Variants in TEK observed in about 807,000 individuals in gnomAD.
The protein encoded by TEK is TEK receptor tyrosine kinase.
Under a neutral mutation model 131.8 loss-of-function variants are expected in TEK, and 43 were observed. That is an observed-to-expected ratio of 0.33 (90% confidence interval 0.26 to 0.42). The LOEUF (loss-of-function observed/expected upper bound fraction) is 0.42, where lower values mean the gene tolerates loss of function less well. Ranked by LOEUF, TEK falls within the 10% of genes least tolerant of loss-of-function variation. The pLI is 1.00. For synonymous variants in TEK, 580 were observed against 491.6 expected (o/e 1.18, Z -2.38); for missense variants, 1,162 against 1,384.4 (o/e 0.84, Z 2.55).
chr9:27,153,221 G>A (rs512964), intron 1 of TEK, among the ~76,000 whole-genome samples: 40,752 of 151,970 alleles, frequency 0.27, 5,774 homozygotes, highest in South Asian at 0.52. Context: ...GGCCGAGGCG[G>A]GTGGATCACG....
chr9:27,180,187 G>C lies in TEK; in HGVS notation c.902-53G>C, dbSNP rs1171092957. On this transcript the variant is annotated intron_variant, in intron 6 of 22. Transcript: ENST00000380036. ...ATAAAACTAAACACCTGCAGTCTTA[G>C]TTTCCTCTCTTCCCCTGGATTAATA... 61 of 1,611,676 alleles carry C rather than the reference G, an allele frequency of 3.8e-5. No individual in the cohort carries two copies. In the South Asian group the frequency reaches 6.3e-4, roughly 17 times the overall value.
At chr9:27,164,598 C>T (rs1393778915) in intron 2 of TEK, among the ~76,000 whole-genome samples, 8 of 152,172 alleles carry the variant, frequency 5.3e-5, no homozygotes, top group South Asian at 2.1e-4. Flanking sequence ...GGATTACAGG[C>T]GTGAGCAACT....
At chr9:27,120,084 A>G (rs1485098367) in intron 1 of TEK, among the ~76,000 whole-genome samples, 2 of 152,132 alleles carry the variant, frequency 1.3e-5, no homozygotes, top group East Asian at 3.8e-4. Flanking sequence ...TATTTTATTA[A>G]TCATTGCTAC....
In TEK at chr9:27,224,812, A is replaced by C. The variant is rs533945184; in HGVS notation, c.3201-3394A>C. ...CATTCAAATAGGAAGAGAGGAAGTCAAACTGTCTCTGTCTGCAGATGACAT... is the reference window on the plus strand; with the variant it reads ...CATTCAAATAGGAAGAGAGGAAGTCCAACTGTCTCTGTCTGCAGATGACAT... On this transcript the variant is annotated intron_variant, in intron 21 of 22. Transcript: ENST00000380036. Among the ~76,000 whole-genome samples, 13 of 152,336 alleles carry C rather than the reference A, an allele frequency of 8.5e-5. 1 individual carries two copies. In the South Asian group the frequency reaches 2.5e-3, roughly 29 times the overall value.
At chr9:27,190,419 C>T in intron 9 of TEK, 110 bp from the exon 10 acceptor site, 1 of 1,388,130 alleles carries the variant, frequency 7.2e-7, no homozygotes, top group South Asian at 1.3e-5. Flanking sequence ...GAGCAGAAAA[C>T]TTTAAGAGGA....
chr9:27,198,443 G>T (rs1825104011), intron 12 of TEK: 1 of 152,356 alleles, frequency 6.6e-6, no homozygotes, highest in Non-Finnish European at 1.5e-5. Flanking sequence ...AACAGGTGTG[G>T]AAGCTGGCTC....
At chr9:27,166,412 G>A (rs1001112000) in intron 2 of TEK, among the ~76,000 whole-genome samples, 5 of 152,100 alleles carry the variant, frequency 3.3e-5, no homozygotes, top group South Asian at 2.1e-4. Flanking sequence ...CCGTGTTCAC[G>A]GATTTGTCAG....
rs573240128 is a variant in TEK, at chr9:27,229,175, G to C, written c.3318G>C (p.Thr1106=). Residue 1106 remains threonine, a synonymous_variant, in exon 23 of 23, where the codon ACG becomes ACC. Transcript: ENST00000380036. ...LEERKTYVNT[T]LYEKFTYAGI... ...TCTTCCAGACCTACGTGAATACCAC[G>C]CTTTATGAGAAGTTTACTTATGCAG... 94 of 1,613,764 alleles carry C rather than the reference G, an allele frequency of 5.8e-5. No homozygotes were observed. In the African/African-American group the frequency reaches 1.2e-3, roughly 20 times the overall value.
At chr9:27,190,429 A>ACT in intron 9 of TEK, 100 bp from the exon 10 acceptor site, 1 of 1,441,314 alleles carries the variant, frequency 6.9e-7, no homozygotes, top group Non-Finnish European at 9.6e-7. Flanking sequence ...CTTTAAGAGG[A>ACT]CTTTGTTGGA....
intron 2 of TEK, among the ~76,000 whole-genome samples, chr9:27,166,187 A>G (rs1479727554): frequency 6.6e-6 from 1 of 152,202 alleles, no homozygotes; most frequent in Non-Finnish European, 1.5e-5. Flanking sequence ...TTTGCTATTA[A>G]TTTCTAATTT....
chr9:27,220,840 C>G (rs1225686251), intron 21 of TEK, among the ~76,000 whole-genome samples: 1 of 152,184 alleles, frequency 6.6e-6, no homozygotes, highest in African/African-American at 2.4e-5. Flanking sequence ...GTTGCAAGCA[C>G]CAAACTGGGT....
intron 15 of TEK, among the ~76,000 whole-genome samples, chr9:27,207,941 C>T (rs1825456429): frequency 6.6e-6 from 1 of 152,090 alleles, no homozygotes; most frequent in Non-Finnish European, 1.5e-5. Flanking sequence ...TGTTTTGCTA[C>T]TTTAGTCACA....
chr9:27,123,791 T>C (rs1453309205), intron 1 of TEK, among the ~76,000 whole-genome samples: 2 of 151,432 alleles, frequency 1.3e-5, no homozygotes, highest in African/African-American at 4.8e-5. Context: ...TTTTATTTAT[T>C]CTTTTGAGAT....
intron 7 of TEK, among the ~76,000 whole-genome samples, chr9:27,182,764 G>A (rs1018432827): frequency 1.3e-5 from 2 of 151,270 alleles, no homozygotes; most frequent in African/African-American, 4.9e-5. Flanking sequence ...CTGTGTAGAT[G>A]TTAGGCAAGA....
chr9:27,206,536 T>G, intron 14 of TEK, 46 bp from the exon 15 acceptor site: 3 of 1,582,556 alleles, frequency 1.9e-6, no homozygotes, highest in Non-Finnish European at 2.6e-6. Flanking sequence ...CCCCTTAGAA[T>G]TATGAAAAAT....
rs1400947186 is a variant in TEK at position 27,220,484 on chromosome 9, TAATTAAGAAGGATACATTTTCGGGCTGGC to T, written c.3200+342_3200+370del. Among the ~76,000 whole-genome samples the T allele has an allele frequency of 8.2e-4, 3 of 3,662 alleles. No homozygotes were observed. In the African/African-American group the frequency reaches 0.026, roughly 32 times the overall value. The allele number at this position is 3,662 out of a possible 152,430, so 2.4% of individuals were successfully genotyped here. On this transcript the variant is annotated intron_variant, in intron 21 of 22. Coordinates refer to ENST00000380036, the MANE Select transcript of TEK (RefSeq NM_000459.5). ...AGATTTCAAAGCTGTTCATTAAGAT[TAATTAAGAAGGATACATTTTCGGGCTGGC>T]AAGATGGCTGAATAGGAACAGCTCC...
At chr9:27,216,401 C>T (rs1382965962) in intron 18 of TEK, among the ~76,000 whole-genome samples, 2 of 151,934 alleles carry the variant, frequency 1.3e-5, no homozygotes, top group Non-Finnish European at 2.9e-5. Context: ...AAAAAGTGCA[C>T]AAGGAACTTA....
At chr9:27,173,499 T>C in intron 6 of TEK, 137 bp downstream of exon 6, 1 of 1,077,758 alleles carries the variant, frequency 9.3e-7, no homozygotes, top group South Asian at 1.3e-5. Context: ...TTTTGAATCA[T>C]GGATGTTTAC....
At position 27,169,487 on chromosome 9, in the gene TEK, C is replaced by A. The variant is rs781505938; in HGVS notation, c.486C>A (p.Ile162=). 1.2e-6 allele frequency: 2 copies of A among 1,613,916 alleles called. No individual in the cohort carries two copies. The highest frequency in any genetic ancestry group is 1.3e-5 in the African/African-American group (1 of 74,920). ...DAVIYKNGSF[I]HSVPRHEVPD... ...CTTCCCTCTTACTAGGTTCCTTCAT[C>A]CATTCAGTGCCCCGGCATGAAGTAC... The change falls in exon 4 of 23, where the codon ATC becomes ATA. Residue 162 remains isoleucine (I), a synonymous_variant. Transcript: ENST00000380036.
Sources: allele counts gnomAD v4.1 joint callset (sites outside exome capture counted in the v4.1 genomes callset), GRCh38; gene constraint gnomAD v4.1.1; transcripts MANE v1.5; gene names NCBI Gene and HGNC (gene_info 2026-07-23, HGNC 2026-07-21).